COL21A1: variants seen among roughly 807,000 people sequenced by gnomAD.
COL21A1 encodes collagen alpha-1(XXI) chain.
In COL21A1, 149 loss-of-function variants were observed where a neutral mutation model predicts 137.9. That is an observed-to-expected ratio of 1.08 (90% CI 0.95 to 1.24). The LOEUF is 1.24. Ranked by LOEUF, COL21A1 falls within the 50% of genes most tolerant of loss-of-function variation. COL21A1 has a pLI of 0.00. For missense variants in COL21A1, 1,167 were observed against 1,158.4 expected, an observed-to-expected ratio of 1.01 and a Z score of -0.11; for synonymous variants, 456 against 391.5, an observed-to-expected ratio of 1.16 and a Z score of -1.95.
intron 1 of COL21A1, among the ~76,000 whole-genome samples, chr6:56,337,375 G>T (rs1248889234): frequency 6.6e-6 from 1 of 152,188 alleles, no homozygotes; most frequent in Non-Finnish European, 1.5e-5. Context: ...ATTCCTCTGA[G>T]AATAAATTAT....
intron 1 of COL21A1, among the ~76,000 whole-genome samples, chr6:56,227,847 G>T (rs1781309039): frequency 1.3e-5 from 2 of 151,968 alleles, no homozygotes; most frequent in South Asian, 4.1e-4. Flanking sequence ...GGAGCTTGGT[G>T]GAGTGAATAC....
intron 19 of COL21A1, 67 bp downstream of exon 19, chr6:56,075,412 G>T (rs1767135542): frequency 1.6e-6 from 2 of 1,230,178 alleles, no homozygotes; most frequent in Admixed American, 2.8e-5. Flanking sequence ...TCTCGAATAT[G>T]AACTCCTAGT....
chr6:56,353,821 A>C (rs1765771286), intron 1 of COL21A1, among the ~76,000 whole-genome samples: 2 of 152,234 alleles, frequency 1.3e-5, no homozygotes, highest in African/African-American at 4.8e-5. Flanking sequence ...AGGGAACAGA[A>C]GAATACTTAA....
intron 1 of COL21A1, among the ~76,000 whole-genome samples, chr6:56,312,841 T>G (rs963429007): frequency 4.0e-5 from 6 of 151,360 alleles, no homozygotes; most frequent in Admixed American, 1.3e-4. Context: ...ACAGAGGAAA[T>G]GGTGCCCTTG....
chr6:56,094,454 C>T (rs9296827), intron 17 of COL21A1, among the ~76,000 whole-genome samples: 83,575 of 151,972 alleles, frequency 0.55, 23,312 homozygotes, highest in East Asian at 0.79. Context: ...TCACTGAGCC[C>T]TCACTATCAA....
At position 56,278,673 on chromosome 6, in the gene COL21A1, G is replaced by C. The variant is rs9475650; in HGVS notation, c.-38-96017C>G. Among the ~76,000 whole-genome samples the C allele has an allele frequency of 3.6e-3, 541 of 152,212 alleles. 6 individuals are homozygous for C. The highest frequency in any genetic ancestry group is 0.012 in the African/African-American group (517 of 41,528). ...TCACTGATCTCTAGAACAACTCTTT[G>C]GCTGAACAGATCATGGTCACAATCA... On this transcript the variant is annotated intron_variant, in intron 1 of 28. Coordinates refer to the COL21A1 transcript ENST00000370819.
At chr6:56,321,822 C>T (rs566391324) in intron 1 of COL21A1, among the ~76,000 whole-genome samples, 3 of 152,124 alleles carry the variant, frequency 2.0e-5, no homozygotes, top group Admixed American at 6.6e-5. Context: ...TGCCAAAGAT[C>T]TCAACGTCAC....
At chr6:56,285,284 C>G (rs191947571) in intron 1 of COL21A1, among the ~76,000 whole-genome samples, 9 of 152,168 alleles carry the variant, frequency 5.9e-5, no homozygotes, top group African/African-American at 2.2e-4. Context: ...CATCACTAGG[C>G]TTTTCAAGCA....
At position 56,318,691 on chromosome 6, in the gene COL21A1, C is replaced by T. The variant is rs139918471; in HGVS notation, c.-39+75280G>A. 2.1e-3 allele frequency among the ~76,000 whole-genome samples: 312 copies of T among 152,172 alleles called. 1 individual carries two copies. The highest frequency in any genetic ancestry group is 7.3e-3 in the African/African-American group (304 of 41,518). On this transcript the variant is annotated intron_variant, in intron 1 of 28. Transcript: ENST00000370819. The stretch of plus-strand genomic sequence containing the variant: ...TACCTCTTGTGCACTGGATCCTCTT[C>T]CTCTTACCTTCTCAAGCACACCTCT...
chr6:56,389,980 A>G (rs1435350829), intron 1 of COL21A1, among the ~76,000 whole-genome samples: 8 of 152,234 alleles, frequency 5.3e-5, no homozygotes, highest in Admixed American at 5.2e-4. Context: ...ACAATAAATC[A>G]TCTGTAGGTA....
intron 1 of COL21A1, among the ~76,000 whole-genome samples, chr6:56,278,337 C>T (rs78925738): frequency 0.013 from 2,041 of 152,208 alleles, 53 homozygotes; most frequent in African/African-American, 0.047. Flanking sequence ...CTGACACATC[C>T]CTGTGTACAA....
chr6:56,125,816 T>C (rs908998549), intron 13 of COL21A1, among the ~76,000 whole-genome samples, 196 bp from the exon 14 acceptor site: 2 of 152,016 alleles, frequency 1.3e-5, no homozygotes, highest in East Asian at 3.8e-4. Flanking sequence ...TAACATTTAG[T>C]GCTATAACAA....
chr6:56,354,754 C>T (rs981221490), intron 1 of COL21A1, among the ~76,000 whole-genome samples: 14 of 152,060 alleles, frequency 9.2e-5, no homozygotes, highest in Admixed American at 5.9e-4. Flanking sequence ...CCTGCAGCCC[C>T]ATCTACTGCG....
intron 1 of COL21A1, among the ~76,000 whole-genome samples, chr6:56,370,342 C>T (rs1052782436): frequency 2.0e-5 from 3 of 152,086 alleles, no homozygotes; most frequent in Admixed American, 6.5e-5. Context: ...GAGCACACAC[C>T]GTGAGAATTA....
intron 16 of COL21A1, among the ~76,000 whole-genome samples, chr6:56,106,269 T>C (rs1347600877): frequency 2.6e-5 from 4 of 152,194 alleles, no homozygotes; most frequent in Non-Finnish European, 5.9e-5. Context: ...TTTGCACCCA[T>C]CCATTCCTTT....
chr6:56,241,859 G>C (rs1317728318), intron 1 of COL21A1, among the ~76,000 whole-genome samples: 1 of 152,038 alleles, frequency 6.6e-6, no homozygotes, highest in Non-Finnish European at 1.5e-5. Flanking sequence ...CATTGTTCAA[G>C]GTATTTACAA....
chr6:56,154,687 C>G (rs1421291854), intron 10 of COL21A1, among the ~76,000 whole-genome samples: 1 of 152,128 alleles, frequency 6.6e-6, no homozygotes, highest in African/African-American at 2.4e-5. Context: ...CTCCAAATAG[C>G]ATTTATATTT....
intron 18 of COL21A1, among the ~76,000 whole-genome samples, chr6:56,076,818 GA>G (rs1767284451): frequency 6.6e-6 from 1 of 151,424 alleles, no homozygotes; most frequent in South Asian, 2.1e-4. Flanking sequence ...AGGTCATATG[GA>G]GATAATGGTG....
At chr6:56,061,286 T>C in intron 25 of COL21A1, 4 of 507,306 alleles carry the variant, frequency 7.9e-6, no homozygotes, top group Non-Finnish European at 6.9e-6. Flanking sequence ...ATTGTATAGG[T>C]AATACGCATA....
Sources: allele counts gnomAD v4.1 joint callset (sites outside exome capture counted in the v4.1 genomes callset), GRCh38; gene constraint gnomAD v4.1.1; transcripts MANE v1.5; gene names NCBI Gene and HGNC (gene_info 2026-07-23, HGNC 2026-07-21).